The following AOAH variants were observed in gnomAD, a reference collection of about 807,000 sequenced individuals.
AOAH encodes the protein acyloxyacyl hydrolase.
In AOAH, 64 loss-of-function variants were observed where a neutral mutation model predicts 92.2. That is an observed-to-expected ratio of 0.69 (90% CI 0.57 to 0.86). The LOEUF is 0.86. Among genes scored for constraint, AOAH ranks in the 40% least tolerant of loss-of-function variants. The pLI, the probability that AOAH is intolerant of heterozygous loss-of-function variation, is 0.00. For synonymous variants in AOAH, 263 were observed against 254.5 expected, an observed-to-expected ratio of 1.03 and a Z score of -0.32; for missense variants, 656 against 694.6, an observed-to-expected ratio of 0.94 and a Z score of 0.62.
At chr7:36,531,880 A>G (rs3779224) in intron 18 of AOAH, among the ~76,000 whole-genome samples, 2,759 of 149,896 alleles carry the variant, frequency 0.018, 80 homozygotes, top group East Asian at 0.15. Flanking sequence ...GCGTGTGCAC[A>G]GGGGAGGGTG....
chr7:36,636,119 T>C (rs1793504072), intron 5 of AOAH, among the ~76,000 whole-genome samples: 1 of 152,054 alleles, frequency 6.6e-6, no homozygotes, highest in Non-Finnish European at 1.5e-5. Flanking sequence ...TCTGAAGTTA[T>C]ATCAGCCATC....
intron 3 of AOAH, among the ~76,000 whole-genome samples, chr7:36,664,994 T>A (rs368058453): frequency 5.9e-5 from 9 of 152,326 alleles, no homozygotes; most frequent in African/African-American, 2.2e-4. Context: ...GGGATGACAC[T>A]AAACCCTTCA....
At chr7:36,617,560 CTTG>C (rs1031700795) in intron 10 of AOAH, among the ~76,000 whole-genome samples, 15 of 152,106 alleles carry the variant, frequency 9.9e-5, no homozygotes, top group East Asian at 3.8e-4. Flanking sequence ...TAGAATTGGA[CTTG>C]TTGTTCAGAA....
chr7:36,569,568 TATC>T (rs1186020760), intron 13 of AOAH, among the ~76,000 whole-genome samples: 1 of 21,968 alleles, frequency 4.6e-5, no homozygotes, highest in Non-Finnish European at 1.1e-4. Context: ...CAGATTTACA[TATC>T]TATCTATCTA....
intron 15 of AOAH, among the ~76,000 whole-genome samples, chr7:36,542,721 C>T (rs1360089825): frequency 6.6e-6 from 1 of 152,000 alleles, no homozygotes; most frequent in African/African-American, 2.4e-5. Flanking sequence ...GTATAGTGTA[C>T]CACTGGAAAA....
chr7:36,595,137 A>G (rs945463359), intron 11 of AOAH, among the ~76,000 whole-genome samples: 3 of 152,206 alleles, frequency 2.0e-5, no homozygotes, highest in African/African-American at 4.8e-5. Flanking sequence ...TACTCCTTTT[A>G]TGAGTGACTT....
chr7:36,513,578 G>A (rs1267093294), intron 20 of AOAH, among the ~76,000 whole-genome samples, 198 bp from the exon 21 acceptor site: 10 of 152,210 alleles, frequency 6.6e-5, no homozygotes. Context: ...GTGTGGCCGT[G>A]GTGAGGAGAC....
chr7:36,713,512 C>T (rs2116985092), intron 1 of AOAH, among the ~76,000 whole-genome samples: 1 of 152,328 alleles, frequency 6.6e-6, no homozygotes, highest in South Asian at 2.1e-4. Flanking sequence ...CACCCCAAAT[C>T]AACAGAATAT....
At chr7:36,625,790 G>A (rs956567847) in intron 6 of AOAH, among the ~76,000 whole-genome samples, 8 of 152,140 alleles carry the variant, frequency 5.3e-5, no homozygotes, top group African/African-American at 1.9e-4. Flanking sequence ...CTTCCCGAGT[G>A]GGCTCAGAGG....
At chr7:36,661,177 T>C (rs1031807738) in intron 3 of AOAH, 1 of 152,216 alleles carries the variant, frequency 6.6e-6, no homozygotes, top group African/African-American at 2.4e-5. Context: ...TTATATGCCG[T>C]AGCTCCCAGC....
intron 1 of AOAH, among the ~76,000 whole-genome samples, chr7:36,723,140 T>C (rs1017304435): frequency 1.1e-4 from 16 of 151,936 alleles, no homozygotes; most frequent in African/African-American, 3.6e-4. Flanking sequence ...TATCCTAGAG[T>C]TATTTTCCTG....
intron 5 of AOAH, among the ~76,000 whole-genome samples, chr7:36,635,439 G>A (rs73687584): frequency 0.03 from 4,539 of 152,278 alleles, 223 homozygotes; most frequent in African/African-American, 0.1. Flanking sequence ...TACACAGCCA[G>A]GCTGAAACTG....
intron 19 of AOAH, among the ~76,000 whole-genome samples, chr7:36,529,270 TA>T: frequency 6.6e-6 from 1 of 152,340 alleles, no homozygotes; most frequent in Non-Finnish European, 1.5e-5. Flanking sequence ...GACATTATTA[TA>T]TTTTTAATAA....
intron 11 of AOAH, among the ~76,000 whole-genome samples, chr7:36,601,240 A>T (rs1790559232): frequency 6.6e-6 from 1 of 152,120 alleles, no homozygotes; most frequent in African/African-American, 2.4e-5. Context: ...AAGTAATTTA[A>T]CTCTGTGCAT....
intron 5 of AOAH, 152 bp downstream of exon 5, chr7:36,637,699 G>A (rs1055824581): frequency 2.2e-5 from 15 of 694,158 alleles, no homozygotes; most frequent in Non-Finnish European, 3.5e-5. Flanking sequence ...ACAAGTGGAA[G>A]CAGTTCACAT....
chr7:36,690,407 G>C (rs1797323326), intron 1 of AOAH, among the ~76,000 whole-genome samples: 1 of 152,144 alleles, frequency 6.6e-6, no homozygotes, highest in African/African-American at 2.4e-5. Flanking sequence ...CCTGTCTCCA[G>C]TGGGCTCACC....
At chr7:36,615,876 CTCT>C (rs891173187) in intron 11 of AOAH, among the ~76,000 whole-genome samples, 9 of 147,912 alleles carry the variant, frequency 6.1e-5, no homozygotes, top group African/African-American at 1.8e-4. Flanking sequence ...CCTTGTGGCC[CTCT>C]TCTTTTTTTT....
chr7:36,707,951 G>A (rs1054677706), intron 1 of AOAH, among the ~76,000 whole-genome samples: 3 of 151,734 alleles, frequency 2.0e-5, no homozygotes, highest in Non-Finnish European at 4.4e-5. Flanking sequence ...ATATCACCAC[G>A]CTGGGCTAAT....
intron 11 of AOAH, among the ~76,000 whole-genome samples, chr7:36,612,515 T>C (rs936993128): frequency 6.6e-6 from 1 of 152,246 alleles, no homozygotes; most frequent in African/African-American, 2.4e-5. Context: ...AATATTCCTG[T>C]ACATATATTC....
Sources: gnomAD v4.1 joint callset for allele counts (sites outside exome capture counted in the v4.1 genomes callset) on GRCh38, gnomAD v4.1.1 for gene constraint, MANE v1.5 for transcripts, NCBI Gene and HGNC (gene_info 2026-07-23, HGNC 2026-07-21) for gene names.